Variants in HK1 observed in about 807,000 individuals in gnomAD.
The protein encoded by HK1 is hexokinase 1, also known as hexokinase-1.
A neutral mutation model predicts 91.6 loss-of-function variants in HK1; 28 were observed. The ratio of observed to expected loss-of-function variants is 0.31; its 90% CI spans 0.23 to 0.42. The LOEUF (loss-of-function observed/expected upper bound fraction) is 0.42. HK1 is among the 10% of genes least tolerant of loss of function. The probability of loss-of-function intolerance (pLI) is 1.00; values close to 1 mark genes in which losing one functional copy is unlikely to be tolerated. For synonymous variants in HK1, 430 were observed against 468.1 expected, an observed-to-expected ratio of 0.92 and a Z score of 1.05; for missense variants, 770 against 1,219.8, an observed-to-expected ratio of 0.63 and a Z score of 5.49.
In HK1 at chr10:69,343,988, T is replaced by C. The variant is rs1848426208; in HGVS notation, c.225T>C (p.Ser75=). 1.9e-6 allele frequency: 3 copies of C among 1,614,062 alleles called. No homozygotes were observed. The highest frequency in any genetic ancestry group is 2.2e-5 in the East Asian group (1 of 44,900). The change falls in exon 2 of 18, where the codon TCT becomes TCC. Residue 75 remains serine (S), a splice_region_variant and synonymous_variant. Transcript: ENST00000359426. The stretch of plus-strand genomic sequence containing the variant: ...TCGTAAGGTCCATTCCTGATGGCTC[T>C]GGTAAGTCTGTCACCCAGAGATTGA... ...PTFVRSIPDG[S]EKGDFIALDL... is the part of the protein sequence containing the mutation.
rs1269728211 is a variant in HK1 at position 69,382,730 on chromosome 10, G to A, written c.1509G>A (p.Thr503=). The A allele has an allele frequency of 1.9e-5, 30 of 1,613,384 alleles. 1 individual carries two copies. The highest frequency in any genetic ancestry group is 2.2e-5 in the South Asian group (2 of 90,758). ...TGGAGCTGGGGCTGAGGAAGCAGAC[G>A]CACAACAATGCCGTGGTTAAGATGC... ...AEMELGLRKQ[T]HNNAVVKMLP... Residue 503 remains threonine, a synonymous_variant, in exon 10 of 18, where the codon ACG becomes ACA. Coordinates refer to ENST00000359426, the MANE Select transcript of HK1 (RefSeq NM_000188.3).
chr10:69,293,819 G>A (rs780954769), intron 3 of HK1, among the ~76,000 whole-genome samples: 6 of 151,578 alleles, frequency 4.0e-5, no homozygotes, highest in Non-Finnish European at 8.8e-5. Context: ...AGAGCAGCAT[G>A]GGAAGTCAAG....
At chr10:69,339,040 C>G (rs1231212249) in intron 1 of HK1, among the ~76,000 whole-genome samples, 2 of 152,192 alleles carry the variant, frequency 1.3e-5, no homozygotes, top group East Asian at 3.8e-4. Context: ...CCCAGGGAGA[C>G]AGGCGTGGTC....
At chr10:69,344,080 C>A in intron 2 of HK1, 91 bp downstream of exon 2, 1 of 1,303,806 alleles carries the variant, frequency 7.7e-7, no homozygotes, top group Non-Finnish European at 1.1e-6. Context: ...TTTGCTCATT[C>A]ATTCATTCAC....
chr10:69,337,298 C>T (rs1245496158), intron 1 of HK1, among the ~76,000 whole-genome samples: 2 of 152,206 alleles, frequency 1.3e-5, no homozygotes, highest in Non-Finnish European at 2.9e-5. Flanking sequence ...CATTTCTAAA[C>T]TCCCCAACTT....
At chr10:69,298,554 G>A (rs1422013445) in intron 4 of HK1, among the ~76,000 whole-genome samples, 1 of 151,834 alleles carries the variant, frequency 6.6e-6, no homozygotes, top group Admixed American at 6.6e-5. Context: ...TTGAGTCCAA[G>A]AGTTTGAGGC....
chr10:69,329,474 T>A (rs1446291020), intron 1 of HK1, among the ~76,000 whole-genome samples: 1 of 152,172 alleles, frequency 6.6e-6, no homozygotes, highest in Non-Finnish European at 1.5e-5. Flanking sequence ...CATGCTTTCA[T>A]GTCTGTTGGG....
At chr10:69,287,838 A>T (rs575987039) in intron 2 of HK1, among the ~76,000 whole-genome samples, 11 of 152,238 alleles carry the variant, frequency 7.2e-5, no homozygotes, top group African/African-American at 2.6e-4. Context: ...ATAGGGTGAG[A>T]TTTTAAAAGT....
chr10:69,303,201 G>A (rs183037569), intron 5 of HK1, among the ~76,000 whole-genome samples: 23 of 152,222 alleles, frequency 1.5e-4, no homozygotes, highest in Non-Finnish European at 2.9e-5. Flanking sequence ...GGTGGGGGGA[G>A]GGGGGAGGCT....
intron 3 of HK1, among the ~76,000 whole-genome samples, 159 bp downstream of exon 3, chr10:69,360,204 G>A (rs1055294976): frequency 7.2e-5 from 11 of 152,230 alleles, no homozygotes; most frequent in African/African-American, 2.7e-4. Context: ...CTGGGCAGAG[G>A]ATGTGACAGC....
Position 69,401,208 on chromosome 10 carries a change from G to GCA in HK1, c.*73_*74insCA. 6.5e-7 allele frequency: 1 copy of GCA among 1,543,366 alleles called. No individual in the cohort carries two copies. Among genetic ancestry groups the GCA allele is most frequent in the Non-Finnish European group, 8.8e-7 (1 of 1,142,486 alleles). On this transcript the variant is annotated 3_prime_UTR_variant, in exon 18 of 18. Transcript: ENST00000359426. ...AGCGGCGACCCCCTACCCTCCCAGCGAGTTGCGCTGGGAGACGCTGGCGCC... is the reference window on the plus strand; with the variant it reads ...AGCGGCGACCCCCTACCCTCCCAGCGCAAGTTGCGCTGGGAGACGCTGGCGCC...
intron 1 of HK1, among the ~76,000 whole-genome samples, chr10:69,325,251 C>T (rs1373600257): frequency 1.3e-5 from 2 of 151,568 alleles, no homozygotes; most frequent in Non-Finnish European, 1.5e-5. Flanking sequence ...CGGGGTTTCA[C>T]TGTATTAGCC....
chr10:69,291,806 C>T (rs1845306944), intron 3 of HK1, among the ~76,000 whole-genome samples: 2 of 152,172 alleles, frequency 1.3e-5, no homozygotes, highest in African/African-American at 4.8e-5. Context: ...TGGTTTCTTT[C>T]TCATAGGTTT....
chr10:69,364,750 G>A (rs1245227322), intron 3 of HK1, 33 bp from the exon 4 acceptor site: 1 of 1,613,924 alleles, frequency 6.2e-7, no homozygotes, highest in Non-Finnish European at 8.5e-7. Context: ...AGCCTGCTTT[G>A]GGGCCCCCTG....
chr10:69,392,486 A>G (rs540981217), intron 15 of HK1, among the ~76,000 whole-genome samples, 178 bp downstream of exon 15: 1 of 152,172 alleles, frequency 6.6e-6, no homozygotes, highest in African/African-American at 2.4e-5. Flanking sequence ...ACCAGGGAGG[A>G]CAGACCCCCA....
chr10:69,379,819 C>T (rs756169764), intron 8 of HK1, 43 bp from the exon 9 acceptor site: 56 of 1,362,010 alleles, frequency 4.1e-5, no homozygotes, highest in Non-Finnish European at 5.7e-5. Flanking sequence ...TGCACTGCCT[C>T]ATGTGGTCCT....
At chr10:69,351,634 C>T (rs1315514591) in intron 2 of HK1, among the ~76,000 whole-genome samples, 1 of 152,150 alleles carries the variant, frequency 6.6e-6, no homozygotes, top group Admixed American at 6.6e-5. Flanking sequence ...TCTCTCTGGC[C>T]CCCACTTTCC....
chr10:69,274,332 T>C (rs1438558315), intron 1 of HK1, among the ~76,000 whole-genome samples: 1 of 152,198 alleles, frequency 6.6e-6, no homozygotes, highest in East Asian at 1.9e-4. Context: ...GCGCAGTGGC[T>C]CACGTTTCTA....
At chr10:69,358,152 C>T (rs10998741) in intron 2 of HK1, among the ~76,000 whole-genome samples, 28,234 of 152,068 alleles carry the variant, frequency 0.19, 2,915 homozygotes, top group Non-Finnish European at 0.23. Context: ...GTGGCCGTCA[C>T]CCCTGGCGTG....
Sources: gnomAD v4.1 joint callset for allele counts (sites outside exome capture counted in the v4.1 genomes callset) on GRCh38, gnomAD v4.1.1 for gene constraint, MANE v1.5 for transcripts, NCBI Gene and HGNC (gene_info 2026-07-23, HGNC 2026-07-21) for gene names.